PTPRN2: variants seen among roughly 807,000 people sequenced by gnomAD.
The protein encoded by PTPRN2 is receptor-type tyrosine-protein phosphatase N2.
In PTPRN2, 74 loss-of-function variants were observed where a neutral mutation model predicts 118.8. The ratio of observed to expected loss-of-function variants is 0.62; its 90% CI spans 0.52 to 0.76. The LOEUF (loss-of-function observed/expected upper bound fraction) is 0.76, where lower values mean the gene tolerates loss of function less well. PTPRN2 is among the 30% of genes least tolerant of loss of function. The pLI is 0.00. For synonymous variants in PTPRN2, 641 were observed against 608.0 expected, an observed-to-expected ratio of 1.05 and a Z score of -0.80; for missense variants, 1,481 against 1,394.4, an observed-to-expected ratio of 1.06 and a Z score of -0.99.
At chr7:157,941,470 AC>A (rs1466657098) in intron 11 of PTPRN2, among the ~76,000 whole-genome samples, 4 of 130,234 alleles carry the variant, frequency 3.1e-5, no homozygotes, top group Non-Finnish European at 4.9e-5. Context: ...TGCAAATATA[AC>A]CCCCTCCCCC....
chr7:157,861,614 G>A lies in PTPRN2; in HGVS notation c.1788+37059C>T, dbSNP rs1810247359. On this transcript the variant is annotated intron_variant, in intron 12 of 22. Transcript: ENST00000389418. The surrounding 1 kb of genome is among the most constrained non-coding windows in gnomAD (Gnocchi z 5.8). ...GCTGCCAGAACAAAGGACTCCAGACGGATGGGCTTGAAACAGTGGATGCCT... is the reference window on the plus strand; with the variant it reads ...GCTGCCAGAACAAAGGACTCCAGACAGATGGGCTTGAAACAGTGGATGCCT... Among the ~76,000 whole-genome samples the A allele has an allele frequency of 2.6e-5, 4 of 152,346 alleles. No homozygotes were observed. The highest frequency in any genetic ancestry group is 1.9e-4 in the East Asian group (1 of 5,184).
chr7:158,408,722 G>A (rs530289465), intron 2 of PTPRN2, among the ~76,000 whole-genome samples: 6 of 152,240 alleles, frequency 3.9e-5, no homozygotes, highest in African/African-American at 7.2e-5. Flanking sequence ...CTTCGTGACC[G>A]GACTACAGCA....
At position 158,380,716 on chromosome 7, in the gene PTPRN2, C is replaced by T. The variant is rs551609402; in HGVS notation, c.164-63784G>A. 1.6e-3 allele frequency among the ~76,000 whole-genome samples: 246 copies of T among 152,356 alleles called. 1 individual carries two copies. The highest frequency in any genetic ancestry group is 2.9e-3 in the Non-Finnish European group (199 of 68,042). On this transcript the variant is annotated intron_variant, in intron 2 of 22. Transcript: ENST00000389418. ...AGTGCCCCAGTAGGGACTCTGTGTGCAGGTTCCAACTCCACATTTCCCTTC... is the reference window on the plus strand; with the variant it reads ...AGTGCCCCAGTAGGGACTCTGTGTGTAGGTTCCAACTCCACATTTCCCTTC...
rs372405858 is a variant in PTPRN2 at position 157,909,906 on chromosome 7, T to C, written c.1724-11169A>G. Among the ~76,000 whole-genome samples the C allele has an allele frequency of 9.2e-5, 14 of 152,332 alleles. No individual in the cohort carries two copies. The East Asian group carries it at 2.3e-3, about 25-fold the overall frequency. ...GTTGAGGGAATGAATAAGTGACTTATAGGAAGCATGAGCAAATTAACTCCC... is the reference window on the plus strand; with the variant it reads ...GTTGAGGGAATGAATAAGTGACTTACAGGAAGCATGAGCAAATTAACTCCC... On this transcript the variant is annotated intron_variant, in intron 11 of 22. Coordinates refer to ENST00000389418, the MANE Select transcript of PTPRN2 (RefSeq NM_002847.5).
intron 12 of PTPRN2, among the ~76,000 whole-genome samples, chr7:157,886,329 T>C (rs1295371981): frequency 3.3e-5 from 5 of 152,124 alleles, no homozygotes; most frequent in Non-Finnish European, 7.3e-5. Context: ...TGCATATTTT[T>C]ATAAAAATGC....
chr7:157,971,832 CT>C (rs1004119182), intron 11 of PTPRN2, among the ~76,000 whole-genome samples: 1 of 152,074 alleles, frequency 6.6e-6, no homozygotes. Context: ...ATGGTGTAGA[CT>C]GAGAAACCTT....
intron 2 of PTPRN2, among the ~76,000 whole-genome samples, chr7:158,418,325 C>T (rs565582427): frequency 4.0e-5 from 6 of 150,320 alleles, no homozygotes; most frequent in Admixed American, 1.3e-4. Context: ...TGTACTACAT[C>T]GAGATGCTCT....
chr7:158,292,289 A>G (rs1275046186), intron 3 of PTPRN2, among the ~76,000 whole-genome samples: 2 of 152,222 alleles, frequency 1.3e-5, no homozygotes, highest in African/African-American at 4.8e-5. Context: ...CTATTCCAGG[A>G]TGTTCAAAAG....
chr7:157,948,860 T>A (rs1800642360), intron 11 of PTPRN2, among the ~76,000 whole-genome samples: 1 of 152,214 alleles, frequency 6.6e-6, no homozygotes, highest in Non-Finnish European at 1.5e-5. Context: ...TAAAACAAGA[T>A]GTGTTTGAAT....
At chr7:158,033,458 G>A (rs1432049329) in intron 11 of PTPRN2, among the ~76,000 whole-genome samples, 3 of 152,240 alleles carry the variant, frequency 2.0e-5, no homozygotes, top group East Asian at 1.9e-4. Flanking sequence ...TGGGCCCCTC[G>A]GACCACACCT....
At chr7:157,828,309 C>T (rs1807321645) in intron 12 of PTPRN2, among the ~76,000 whole-genome samples, 1 of 152,202 alleles carries the variant, frequency 6.6e-6, no homozygotes, top group Admixed American at 6.5e-5. Flanking sequence ...ACTGTAGATG[C>T]TGAGCTGTGT....
intron 12 of PTPRN2, among the ~76,000 whole-genome samples, chr7:157,840,662 C>T (rs1452663054): frequency 6.6e-6 from 1 of 152,202 alleles, no homozygotes; most frequent in Non-Finnish European, 1.5e-5. Flanking sequence ...GGATTCTGGA[C>T]AGTGGATGAC....
intron 12 of PTPRN2, among the ~76,000 whole-genome samples, chr7:157,686,550 G>T (rs1797204189): frequency 6.6e-6 from 1 of 152,144 alleles, no homozygotes; most frequent in Non-Finnish European, 1.5e-5. Context: ...TCTCCCCCAT[G>T]GGCACCGACC....
chr7:157,783,517 C>G (rs1803814869), intron 12 of PTPRN2, among the ~76,000 whole-genome samples: 2 of 148,684 alleles, frequency 1.3e-5, no homozygotes, highest in South Asian at 4.5e-4. Flanking sequence ...CTTATTTAAT[C>G]TAGTATGAAG....
At chr7:158,053,795 CGCAGAGACTCCAGAGAG>C (rs1563365853) in intron 11 of PTPRN2, among the ~76,000 whole-genome samples, 12 of 132,700 alleles carry the variant, frequency 9.0e-5, no homozygotes, top group African/African-American at 2.3e-4. Context: ...ACTCCAGAGA[CGCAGAGACTCCAGAGAG>C]GCAGAGACCC....
At chr7:158,520,050 T>C (rs930647589) in intron 1 of PTPRN2, among the ~76,000 whole-genome samples, 5 of 152,242 alleles carry the variant, frequency 3.3e-5, no homozygotes, top group Non-Finnish European at 5.9e-5. Flanking sequence ...CACAGAATGA[T>C]TTTTTAAATC....
chr7:157,782,046 G>A (rs1366622865), intron 12 of PTPRN2, among the ~76,000 whole-genome samples: 1 of 152,218 alleles, frequency 6.6e-6, no homozygotes, highest in Non-Finnish European at 1.5e-5. Flanking sequence ...GTATGGCCTC[G>A]CCTATGCTAT....
chr7:158,129,936 C>A (rs1466243732), intron 9 of PTPRN2, among the ~76,000 whole-genome samples: 1 of 152,160 alleles, frequency 6.6e-6, no homozygotes, highest in Non-Finnish European at 1.5e-5. Flanking sequence ...CGGGAAAGCT[C>A]ATCCTGACTT....
chr7:157,785,070 C>T lies in PTPRN2; in HGVS notation c.1789-102133G>A, dbSNP rs1384609438. ...TGTTACAGCCGCTGTTTCATCGCGT[C>T]GTCATAGGAGTTGAACAAAGCTGTG... is the stretch of plus-strand genomic sequence containing the variant. On this transcript the variant is annotated intron_variant, in intron 12 of 22. Coordinates refer to ENST00000389418, the MANE Select transcript of PTPRN2 (RefSeq NM_002847.5). The surrounding 1 kb of genome is among the most constrained non-coding windows in gnomAD (Gnocchi z 7.3). 1.3e-5 allele frequency among the ~76,000 whole-genome samples: 2 copies of T among 152,014 alleles called. No homozygotes were observed. Among genetic ancestry groups the T allele is most frequent in the Admixed American group, 6.5e-5 (1 of 15,274 alleles).
Sources: allele counts gnomAD v4.1 joint callset (sites outside exome capture counted in the v4.1 genomes callset), GRCh38; gene constraint gnomAD v4.1.1; non-coding constraint Gnocchi (gnomAD v3.1); transcripts MANE v1.5; gene names NCBI Gene and HGNC (gene_info 2026-07-23, HGNC 2026-07-21).